Variants in SPOCK1 observed in about 807,000 individuals in gnomAD.
The protein encoded by SPOCK1 is SPARC (osteonectin), cwcv and kazal like domains proteoglycan 1.
SPOCK1 carries 23 observed loss-of-function variants against 55.3 expected under a neutral mutation model. The ratio of observed to expected loss-of-function variants is 0.42; its 90% CI spans 0.30 to 0.59. The LOEUF (loss-of-function observed/expected upper bound fraction) is 0.59, where lower values mean the gene tolerates loss of function less well. Among genes scored for constraint, SPOCK1 ranks in the 20% least tolerant of loss-of-function variants. The probability of loss-of-function intolerance (pLI) is 0.22; values close to 1 mark genes in which losing one functional copy is unlikely to be tolerated. For synonymous variants in SPOCK1, 226 were observed against 221.0 expected (o/e 1.02, Z -0.20); for missense variants, 499 against 552.5 (o/e 0.90, Z 0.97).
At chr5:137,023,823 C>T (rs945057239) in intron 6 of SPOCK1, among the ~76,000 whole-genome samples, 16 of 152,162 alleles carry the variant, frequency 1.1e-4, no homozygotes, top group African/African-American at 3.9e-4. Context: ...TTTCAAAAGA[C>T]TGCTCCCACC....
At chr5:137,318,108 G>T (rs566847450) in intron 2 of SPOCK1, among the ~76,000 whole-genome samples, 2 of 152,154 alleles carry the variant, frequency 1.3e-5, no homozygotes, top group African/African-American at 4.8e-5. Flanking sequence ...AACTGCATAC[G>T]TTACAAGCAA....
At chr5:137,336,175 C>T (rs1451929489) in intron 2 of SPOCK1, among the ~76,000 whole-genome samples, 1 of 152,162 alleles carries the variant, frequency 6.6e-6, no homozygotes, top group Non-Finnish European at 1.5e-5. Context: ...CTGCAGTTTG[C>T]TGGTTTGGAG....
chr5:137,473,110 C>T (rs914336421), intron 2 of SPOCK1, among the ~76,000 whole-genome samples: 1 of 152,168 alleles, frequency 6.6e-6, no homozygotes, highest in Admixed American at 6.5e-5. Context: ...TAGGAATTTA[C>T]CCCCAAAGAT....
At chr5:137,021,505 T>C (rs1362662846) in intron 6 of SPOCK1, among the ~76,000 whole-genome samples, 1 of 152,194 alleles carries the variant, frequency 6.6e-6, no homozygotes, top group African/African-American at 2.4e-5. Context: ...TTTCTTTGTA[T>C]TGTTACCGTT....
chr5:137,419,452 T>G (rs933216553), intron 2 of SPOCK1, among the ~76,000 whole-genome samples: 2 of 152,244 alleles, frequency 1.3e-5, no homozygotes, highest in African/African-American at 4.8e-5. Flanking sequence ...GTTCTTCCAT[T>G]TGCTTGTATC....
intron 2 of SPOCK1, among the ~76,000 whole-genome samples, chr5:137,298,883 T>C (rs1757538524): frequency 6.6e-6 from 1 of 152,178 alleles, no homozygotes; most frequent in South Asian, 2.1e-4. Context: ...CATTTCTCTA[T>C]ATTTCAAGTA....
chr5:137,152,783 C>T (rs753888879), intron 3 of SPOCK1, among the ~76,000 whole-genome samples: 2 of 152,148 alleles, frequency 1.3e-5, no homozygotes, highest in African/African-American at 4.8e-5. Flanking sequence ...CCAATATTTA[C>T]CCTGCCTTAA....
intron 4 of SPOCK1, among the ~76,000 whole-genome samples, chr5:137,132,579 G>A (rs1011110788): frequency 7.9e-5 from 12 of 152,164 alleles, no homozygotes; most frequent in African/African-American, 2.4e-4. Context: ...GCAGGAAATC[G>A]GAGGGCATTG....
At chr5:137,293,048 G>A (rs1757403993) in intron 2 of SPOCK1, among the ~76,000 whole-genome samples, 2 of 147,724 alleles carry the variant, frequency 1.4e-5, no homozygotes, top group South Asian at 4.3e-4. Flanking sequence ...AGAAAACTGT[G>A]GCCACTGCTG....
At chr5:137,247,039 G>A (rs557563810) in intron 3 of SPOCK1, among the ~76,000 whole-genome samples, 1 of 152,304 alleles carries the variant, frequency 6.6e-6, no homozygotes, top group South Asian at 2.1e-4. Context: ...GCAGTTTGGA[G>A]GACATCTAAA....
chr5:136,975,927 C>T lies in SPOCK1; in HGVS notation c.*2727G>A, dbSNP rs1399658053. 1 of 152,138 alleles carries T rather than the reference C, an allele frequency of 6.6e-6. No individual in the cohort carries two copies. The highest frequency in any genetic ancestry group is 1.5e-5 in the Non-Finnish European group (1 of 68,028). 9.4% of individuals were successfully genotyped at this position (152,138 alleles called of 1,614,324 possible). The stretch of plus-strand genomic sequence containing the variant: ...TAAGAATAAAACTGTTCATTAAGAA[C>T]TTTTCAAAAGTGAATTAGTGAGGAT... On this transcript the variant is annotated 3_prime_UTR_variant, in exon 11 of 11. Transcript: ENST00000394945.
At chr5:137,423,683 C>A (rs1752549906) in intron 2 of SPOCK1, among the ~76,000 whole-genome samples, 1 of 152,218 alleles carries the variant, frequency 6.6e-6, no homozygotes, top group South Asian at 2.1e-4. Context: ...CCATCTGTCA[C>A]CCCTTTCTTT....
intron 3 of SPOCK1, among the ~76,000 whole-genome samples, chr5:137,238,620 GA>G (rs1330482338): frequency 6.6e-6 from 1 of 152,126 alleles, no homozygotes; most frequent in Admixed American, 6.5e-5. Context: ...TCAAACCAGT[GA>G]ATATTAATAG....
intron 5 of SPOCK1, among the ~76,000 whole-genome samples, chr5:137,092,879 G>A (rs1181381965): frequency 6.6e-6 from 1 of 152,174 alleles, no homozygotes; most frequent in Non-Finnish European, 1.5e-5. Context: ...AGAAGTCCTG[G>A]GTTGAGGGGG....
At chr5:137,330,466 C>T (rs564876955) in intron 2 of SPOCK1, among the ~76,000 whole-genome samples, 4 of 152,324 alleles carry the variant, frequency 2.6e-5, no homozygotes, top group African/African-American at 9.6e-5. Flanking sequence ...CACGAACCTG[C>T]TCCAAACCTA....
chr5:137,496,047 A>G (rs565852737), intron 2 of SPOCK1, among the ~76,000 whole-genome samples: 62 of 152,362 alleles, frequency 4.1e-4, no homozygotes, highest in African/African-American at 1.4e-3. Context: ...AAACAAAAAA[A>G]AATAGTGTAT....
intron 2 of SPOCK1, among the ~76,000 whole-genome samples, chr5:137,395,334 C>T (rs762640048): frequency 2.0e-5 from 3 of 152,198 alleles, no homozygotes; most frequent in African/African-American, 4.8e-5. Context: ...ATCAGCCATA[C>T]GAACACAAGC....
chr5:137,308,637 T>G (rs945026471), intron 2 of SPOCK1, among the ~76,000 whole-genome samples: 1 of 152,174 alleles, frequency 6.6e-6, no homozygotes, highest in African/African-American at 2.4e-5. Flanking sequence ...AGCCCAGGGG[T>G]GGTAGCAATT....
At position 137,266,766 on chromosome 5, in the gene SPOCK1, G is replaced by A. The variant is rs889166739; in HGVS notation, c.232+244C>T. Among the ~76,000 whole-genome samples, 12 of 151,886 alleles carry A rather than the reference G, an allele frequency of 7.9e-5. No homozygotes were observed. In the East Asian group the frequency reaches 1.2e-3, roughly 15 times the overall value. ...TTTCACTTTTTTTTTAAAACAAAAC[G>A]AATCAATGATTATATTGGTCAAGCC... On this transcript the variant is annotated intron_variant, in intron 3 of 10. Transcript: ENST00000394945.
Sources: allele counts gnomAD v4.1 joint callset (sites outside exome capture counted in the v4.1 genomes callset), GRCh38; gene constraint gnomAD v4.1.1; transcripts MANE v1.5; gene names NCBI Gene and HGNC (gene_info 2026-07-23, HGNC 2026-07-21).